The following ZNF469 variants were observed in gnomAD, a reference collection of about 807,000 sequenced individuals.
ZNF469 encodes the protein zinc finger protein 469.
Under a neutral mutation model 1.0 loss-of-function variants are expected in ZNF469, and 1 was observed. The observed-to-expected ratio is 1.00, with a 90% CI of 0.35 to 4.73. The LOEUF is 4.73. ZNF469 is among the 30% of genes most tolerant of loss of function. The pLI, the probability that ZNF469 is intolerant of heterozygous loss-of-function variation, is 0.16. For synonymous variants in ZNF469, 2,703 were observed against 2,363.4 expected (o/e 1.14, Z -4.17); for missense variants, 6,100 against 5,356.3 (o/e 1.14, Z -4.33).
chr16:88,431,427 C>T lies in ZNF469; in HGVS notation c.3957C>T (p.Pro1319=). The T allele has an allele frequency of 1.3e-6, 2 of 1,550,372 alleles. No individual in the cohort carries two copies. Among genetic ancestry groups the T allele is most frequent in the East Asian group, 2.4e-5 (1 of 40,908 alleles). The change falls in exon 3 of 3, where the codon CCC becomes CCT. Residue 1319 remains proline (P), a synonymous_variant. Coordinates refer to ENST00000565624, the MANE Select transcript of ZNF469 (RefSeq NM_001367624.2). ...CAGTCTCCCACAACAGCAAGGACCCCCCTGCCCGCCAGCCTGGAGAATTTC... is the reference window on the plus strand; with the variant it reads ...CAGTCTCCCACAACAGCAAGGACCCTCCTGCCCGCCAGCCTGGAGAATTTC... The part of the protein sequence containing the change: ...QAPVSHNSKD[P]PARQPGEFLA...
At chr16:88,101,568 AAAAC>A in the ZNF469 span, among the ~76,000 whole-genome samples, 1 of 151,796 alleles carries the variant, frequency 6.6e-6, no homozygotes, top group Non-Finnish European at 1.5e-5. Flanking sequence ...TGAGAAAAGA[AAAAC>A]AAAGTGTGGA....
the ZNF469 span, among the ~76,000 whole-genome samples, chr16:88,260,146 GTTT>G: frequency 3.1e-3 from 428 of 137,200 alleles, 3 homozygotes; most frequent in African/African-American, 1.0e-2. The surrounding 1 kb of genome is among the most constrained non-coding windows in gnomAD (Gnocchi z 4.1). Context: ...CCCTGCTAGT[GTTT>G]TTTTTTTTTT....
At chr16:88,382,908 G>C (rs1034505155), upstream of ZNF469, among the ~76,000 whole-genome samples, 3 of 151,348 alleles carry the variant, frequency 2.0e-5, no homozygotes, top group Non-Finnish European at 4.4e-5. Flanking sequence ...TGGGGGGAGG[G>C]TGCGGGGGCG....
At chr16:88,294,084 T>G in the ZNF469 span, among the ~76,000 whole-genome samples, 12 of 152,322 alleles carry the variant, frequency 7.9e-5, no homozygotes, top group African/African-American at 2.6e-4. Context: ...TGGCCTTTGT[T>G]GGATGTGAGG....
At chr16:88,270,237 G>A in the ZNF469 span, among the ~76,000 whole-genome samples, 31 of 152,186 alleles carry the variant, frequency 2.0e-4, no homozygotes, top group Admixed American at 2.0e-4. Context: ...GGGCCCAGGG[G>A]ACTCCAGCTC....
the ZNF469 span, among the ~76,000 whole-genome samples, chr16:88,329,705 G>A: frequency 1.1e-4 from 16 of 152,256 alleles, no homozygotes; most frequent in Non-Finnish European, 2.1e-4. Context: ...TCTTTCAGCT[G>A]TTCCAGGGGA....
At chr16:88,179,524 C>T in the ZNF469 span, among the ~76,000 whole-genome samples, 4 of 152,164 alleles carry the variant, frequency 2.6e-5, no homozygotes, top group East Asian at 5.8e-4. Context: ...AGAAGTTGCC[C>T]GGCCCCAGGT....
chr16:88,107,746 A>T, the ZNF469 span, among the ~76,000 whole-genome samples: 9 of 152,234 alleles, frequency 5.9e-5, no homozygotes. Context: ...GATTACAGGG[A>T]AGCAGCCACA....
the ZNF469 span, among the ~76,000 whole-genome samples, chr16:88,328,921 G>A: frequency 6.6e-6 from 1 of 152,144 alleles, no homozygotes; most frequent in Non-Finnish European, 1.5e-5. Context: ...GGCCGAGGAG[G>A]GAGCAGAGTC....
chr16:88,358,755 G>A, the ZNF469 span, among the ~76,000 whole-genome samples: 2 of 151,796 alleles, frequency 1.3e-5, no homozygotes, highest in South Asian at 2.1e-4. Context: ...GTCTTGCTAT[G>A]TCTCTCAGGC....
Position 88,437,289 on chromosome 16 carries a change from C to A in ZNF469, c.9819C>A (p.Pro3273=), listed in dbSNP as rs1424347418. The A allele has an allele frequency of 3.2e-6, 5 of 1,547,814 alleles. No individual in the cohort carries two copies. In the South Asian group the frequency reaches 6.0e-5, roughly 18 times the overall value. Residue 3273 remains proline (P), a synonymous_variant, in exon 3 of 3, where the codon CCC becomes CCA. Coordinates refer to ENST00000565624, the MANE Select transcript of ZNF469 (RefSeq NM_001367624.2). The part of the protein sequence containing the change: ...KKDSPGERAK[P]RARSTPSNPD... ...ACAGCCCGGGCGAGAGGGCGAAACC[C>A]CGGGCACGCAGCACCCCCAGCAACC...
chr16:88,201,931 T>C, the ZNF469 span, among the ~76,000 whole-genome samples: 1 of 152,178 alleles, frequency 6.6e-6, no homozygotes, highest in African/African-American at 2.4e-5. The surrounding 1 kb of genome is among the most constrained non-coding windows in gnomAD (Gnocchi z 5.0). Flanking sequence ...CTTGATGGCC[T>C]GGGGCTCCCA....
the ZNF469 span, among the ~76,000 whole-genome samples, chr16:88,315,862 G>C: frequency 6.6e-6 from 1 of 152,210 alleles, no homozygotes; most frequent in African/African-American, 2.4e-5. Context: ...TGGTCCTCCA[G>C]GCCCTCCCCC....
Position 88,433,973 on chromosome 16 carries a change from G to A in ZNF469, c.6503G>A (p.Cys2168Tyr), listed in dbSNP as rs921749050. 102 of 1,550,132 alleles carry A rather than the reference G, an allele frequency of 6.6e-5. No homozygotes were observed. The highest frequency in any genetic ancestry group is 8.3e-5 in the Non-Finnish European group (95 of 1,146,928). ...DPPGPQQLLACSPAWAPLEEA... is the reference protein window; with the variant it reads ...DPPGPQQLLAYSPAWAPLEEA... Reference sequence around the variant, plus strand: ...CCCGGCCCCCAGCAGCTGCTGGCCTGTTCTCCTGCCTGGGCACCTCTGGAA... The same window carrying A: ...CCCGGCCCCCAGCAGCTGCTGGCCTATTCTCCTGCCTGGGCACCTCTGGAA... The change falls in exon 3 of 3, where the codon TGT becomes TAT. Residue 2168 changes from cysteine (C) to tyrosine (Y), a missense_variant. Physicochemically the swap from Cys to Tyr is radical, Grantham distance 194. Transcript: ENST00000565624.
chr16:88,389,378 C>T (rs542972618), intron 1 of ZNF469, among the ~76,000 whole-genome samples: 3 of 152,364 alleles, frequency 2.0e-5, no homozygotes, highest in South Asian at 2.1e-4. Flanking sequence ...GCCCCGTGGA[C>T]GGAGCACATT....
the ZNF469 span, among the ~76,000 whole-genome samples, chr16:88,236,976 C>T: frequency 2.0e-5 from 3 of 151,974 alleles, no homozygotes; most frequent in Non-Finnish European, 4.4e-5. Context: ...CTTTAGGTTT[C>T]AGAAAATAGA....
intron 2 of ZNF469, among the ~76,000 whole-genome samples, chr16:88,427,093 G>A (rs1185257110): frequency 4.6e-5 from 7 of 151,350 alleles, no homozygotes; most frequent in African/African-American, 9.7e-5. Context: ...CAATCTCTGC[G>A]CTCCACCGCC....
the ZNF469 span, among the ~76,000 whole-genome samples, chr16:88,299,283 C>T: frequency 7.2e-5 from 10 of 138,640 alleles, no homozygotes; most frequent in Admixed American, 3.5e-4. Flanking sequence ...TTGCAGCAGG[C>T]GAGGGCTTCC....
intron 1 of ZNF469, among the ~76,000 whole-genome samples, chr16:88,421,321 C>A (rs999927939): frequency 6.6e-6 from 1 of 152,210 alleles, no homozygotes; most frequent in Non-Finnish European, 1.5e-5. Flanking sequence ...GCCGCTCGTG[C>A]TCCTCCGGGG....
Sources: allele counts gnomAD v4.1 joint callset (sites outside exome capture counted in the v4.1 genomes callset), GRCh38; gene constraint gnomAD v4.1.1; non-coding constraint Gnocchi (gnomAD v3.1); transcripts MANE v1.5; gene names NCBI Gene and HGNC (gene_info 2026-07-23, HGNC 2026-07-21).